CCDC102B: variants seen among roughly 807,000 people sequenced by gnomAD.
CCDC102B encodes the protein coiled-coil domain containing 102B.
A neutral mutation model predicts 57.4 loss-of-function variants in CCDC102B; 75 were observed. The observed-to-expected ratio is 1.31, with a 90% CI of 1.08 to 1.58. The LOEUF is 1.58. CCDC102B is among the 40% of genes most tolerant of loss of function. CCDC102B has a pLI of 0.00. For synonymous variants in CCDC102B, 206 were observed against 201.9 expected (o/e 1.02, Z -0.17); for missense variants, 636 against 582.6 (o/e 1.09, Z -0.94).
At chr18:68,889,246 T>C (rs2039991188) in intron 5 of CCDC102B, among the ~76,000 whole-genome samples, 1 of 152,144 alleles carries the variant, frequency 6.6e-6, no homozygotes, top group African/African-American at 2.4e-5. Context: ...TAGGATTGGA[T>C]GAGTATCCTT....
chr18:68,743,731 A>G (rs2033504512), intron 2 of CCDC102B, among the ~76,000 whole-genome samples: 2 of 152,170 alleles, frequency 1.3e-5, no homozygotes, highest in Admixed American at 1.3e-4. Flanking sequence ...AAATTAACAC[A>G]AAGTTTGTGG....
At chr18:69,048,945 T>A (rs1470931194) in intron 7 of CCDC102B, among the ~76,000 whole-genome samples, 4 of 152,100 alleles carry the variant, frequency 2.6e-5, no homozygotes, top group Non-Finnish European at 5.9e-5. Flanking sequence ...TTTCATTGAA[T>A]TATATTTTTC....
chr18:68,968,808 C>T (rs74316528), intron 6 of CCDC102B, among the ~76,000 whole-genome samples: 2,354 of 152,150 alleles, frequency 0.015, 28 homozygotes, highest in Non-Finnish European at 0.021. Context: ...ATTCTCATGA[C>T]GGACAGATTT....
intron 5 of CCDC102B, among the ~76,000 whole-genome samples, chr18:68,878,437 C>T (rs1050876718): frequency 6.6e-6 from 1 of 152,120 alleles, no homozygotes; most frequent in Non-Finnish European, 1.5e-5. Flanking sequence ...GCACGTTGGT[C>T]ACTAGTATGG....
At chr18:68,815,320 C>T (rs778513421) in intron 1 of CCDC102B, among the ~76,000 whole-genome samples, 4 of 152,128 alleles carry the variant, frequency 2.6e-5, no homozygotes, top group African/African-American at 7.2e-5. Context: ...GATGGAATAA[C>T]ATCACTTGTT....
chr18:68,851,169 A>C (rs1442267229), intron 4 of CCDC102B, among the ~76,000 whole-genome samples: 2 of 152,186 alleles, frequency 1.3e-5, no homozygotes, highest in Non-Finnish European at 2.9e-5. Context: ...AATAGCTATA[A>C]ATGCTTACCT....
At chr18:68,901,361 T>C (rs921530773) in intron 6 of CCDC102B, among the ~76,000 whole-genome samples, 1 of 152,102 alleles carries the variant, frequency 6.6e-6, no homozygotes, top group East Asian at 1.9e-4. Flanking sequence ...TTTGAAACCA[T>C]AGAGAATATT....
chr18:69,025,324 T>A (rs2051955566), intron 7 of CCDC102B, among the ~76,000 whole-genome samples: 2 of 152,228 alleles, frequency 1.3e-5, no homozygotes, highest in African/African-American at 4.8e-5. Context: ...AAGGATGATG[T>A]TGCTCAGTAG....
intron 2 of CCDC102B, among the ~76,000 whole-genome samples, chr18:68,726,664 A>G (rs1259972217): frequency 1.3e-5 from 2 of 152,230 alleles, no homozygotes; most frequent in Non-Finnish European, 2.9e-5. Context: ...ATTCCTGTAG[A>G]ATGGTTTTCA....
At chr18:68,947,253 T>TATCA (rs1185369426) in intron 6 of CCDC102B, among the ~76,000 whole-genome samples, 2 of 151,988 alleles carry the variant, frequency 1.3e-5, no homozygotes, top group Non-Finnish European at 2.9e-5. Context: ...ATTCATTACC[T>TATCA]ATCATTTACA....
At chr18:68,810,697 T>TGTTTG (rs1568263293) in intron 1 of CCDC102B, among the ~76,000 whole-genome samples, 13 of 144,018 alleles carry the variant, frequency 9.0e-5, no homozygotes, top group Admixed American at 7.6e-4. Flanking sequence ...TTTTTTTTTT[T>TGTTTG]TTTTTTTTTT....
intron 2 of CCDC102B, among the ~76,000 whole-genome samples, chr18:68,749,096 T>C (rs2033743282): frequency 6.6e-6 from 1 of 152,166 alleles, no homozygotes; most frequent in African/African-American, 2.4e-5. Flanking sequence ...AGATGTGTGG[T>C]ATTATTTCTG....
intron 1 of CCDC102B, among the ~76,000 whole-genome samples, chr18:68,822,709 A>G (rs1041555528): frequency 1.3e-5 from 2 of 152,154 alleles, no homozygotes; most frequent in Non-Finnish European, 2.9e-5. Flanking sequence ...CTCCCACTTT[A>G]AAGTGAGAAC....
At chr18:68,964,986 A>G (rs2050133486) in intron 6 of CCDC102B, among the ~76,000 whole-genome samples, 1 of 151,796 alleles carries the variant, frequency 6.6e-6, no homozygotes, top group African/African-American at 2.4e-5. Context: ...GTAAAGGGTT[A>G]TTTTCTCTGA....
At chr18:68,938,004 T>C (rs2049289542) in intron 6 of CCDC102B, among the ~76,000 whole-genome samples, 2 of 152,088 alleles carry the variant, frequency 1.3e-5, no homozygotes, top group African/African-American at 4.8e-5. Flanking sequence ...ATCCAGTCTA[T>C]CAATGGTGGA....
At chr18:68,919,973 T>G (rs530401721) in intron 6 of CCDC102B, among the ~76,000 whole-genome samples, 46 of 152,278 alleles carry the variant, frequency 3.0e-4, no homozygotes, top group Admixed American at 2.0e-3. Flanking sequence ...CTTATTATTT[T>G]TATTACTTTT....
intron 2 of CCDC102B, among the ~76,000 whole-genome samples, chr18:68,770,212 A>G (rs12454560): frequency 0.064 from 9,756 of 152,296 alleles, 589 homozygotes; most frequent in African/African-American, 0.15. Context: ...TAAAGAAATC[A>G]TGATTTCCTT....
intron 1 of CCDC102B, among the ~76,000 whole-genome samples, chr18:68,716,157 G>A (rs2031969400): frequency 6.6e-6 from 1 of 151,276 alleles, no homozygotes; most frequent in South Asian, 2.1e-4. Context: ...TAAAACGTAA[G>A]GGGACTGTTG....
At chr18:69,021,768 G>A (rs942303768) in intron 7 of CCDC102B, among the ~76,000 whole-genome samples, 3 of 152,156 alleles carry the variant, frequency 2.0e-5, no homozygotes, top group Admixed American at 2.0e-4. Flanking sequence ...TGTGCCTCTA[G>A]CACTGCCAGC....
Sources: gnomAD v4.1 joint callset for allele counts (sites outside exome capture counted in the v4.1 genomes callset) on GRCh38, gnomAD v4.1.1 for gene constraint, MANE v1.5 for transcripts, NCBI Gene and HGNC (gene_info 2026-07-23, HGNC 2026-07-21) for gene names.